KYAT3: variants seen among roughly 807,000 people sequenced by gnomAD.
KYAT3 encodes the protein kynurenine aminotransferase 3.
Under a neutral mutation model 59.0 loss-of-function variants are expected in KYAT3, and 50 were observed. The observed-to-expected ratio is 0.85, with a 90% CI of 0.68 to 1.07. The LOEUF (loss-of-function observed/expected upper bound fraction) is 1.07, where lower values mean the gene tolerates loss of function less well. Among genes scored for constraint, KYAT3 ranks in the 50% least tolerant of loss-of-function variants. The pLI, the probability that KYAT3 is intolerant of heterozygous loss-of-function variation, is 0.00. For missense variants in KYAT3, 497 were observed against 533.3 expected, an observed-to-expected ratio of 0.93 and a Z score of 0.67; for synonymous variants, 148 against 177.0, an observed-to-expected ratio of 0.84 and a Z score of 1.30.
intron 1 of KYAT3, 59 bp from the exon 2 acceptor site, chr1:88,988,410 CAG>C: frequency 1.1e-6 from 1 of 909,488 alleles, no homozygotes. Flanking sequence ...ACATCACTAT[CAG>C]ACACTTACAG....
chr1:88,953,091 G>A lies in KYAT3; in HGVS notation c.926C>T (p.Thr309Met), dbSNP rs577169250. The A allele has an allele frequency of 5.8e-5, 94 of 1,612,204 alleles. No homozygotes were observed. The highest frequency in any genetic ancestry group is 4.3e-4 in the African/African-American group (32 of 74,986). Residue 309 changes from threonine to methionine, a missense_variant, in exon 10 of 14, where the codon ACG becomes ATG. Around this residue, in one of 2 missense-constraint regions of KYAT3, gnomAD observed 469 missense variants for 479.1 expected, o/e 0.98. Transcript: ENST00000260508. The stretch of plus-strand genomic sequence containing the variant: ...TAAAGGAGTTGCACAAGTATAAATC[G>A]TGTTTTGTTGAACTGTCTGTAAATG... ...IKHLQTVQQN[T>M]IYTCATPLQE...
downstream of KYAT3, among the ~76,000 whole-genome samples, chr1:88,931,874 C>T (rs1674916028): frequency 1.8e-5 from 1 of 55,528 alleles, no homozygotes; most frequent in Non-Finnish European, 3.3e-5. Context: ...TTCACTCCTG[C>T]AACTGCAAAA....
At chr1:88,973,136 A>C (rs1323200960) in intron 2 of KYAT3, among the ~76,000 whole-genome samples, 10 of 152,216 alleles carry the variant, frequency 6.6e-5, no homozygotes, top group Non-Finnish European at 1.2e-4. Flanking sequence ...TGATGCTCCT[A>C]CCAGCCAAGG....
chr1:88,986,804 T>C (rs1459984030), intron 2 of KYAT3, among the ~76,000 whole-genome samples: 1 of 152,186 alleles, frequency 6.6e-6, no homozygotes, highest in Non-Finnish European at 1.5e-5. Context: ...CAAGTCTTTC[T>C]TGATTTAAAC....
intron 2 of KYAT3, 100 bp downstream of exon 2, chr1:88,988,151 AT>A: frequency 1.4e-6 from 1 of 731,712 alleles, no homozygotes; most frequent in Non-Finnish European, 2.3e-6. Context: ...AGAAATGTTC[AT>A]TTCAATAAAG....
In KYAT3 at chr1:88,962,144, A is replaced by G; in HGVS notation, c.455T>C (p.Val152Ala). The G allele has an allele frequency of 6.2e-7, 1 of 1,609,582 alleles. No homozygotes were observed. ...IQALIDEGDE[V>A]ILIVPFYDCY... ...GTCATAGAAAGGCACTATTAGTATG[A>G]CCTGCAATAAAAGCAAATAAGATCA... The change falls in exon 6 of 14, where the codon GTC becomes GCC. Residue 152 changes from valine to alanine, a missense_variant and splice_region_variant. Val to Ala is a moderately conservative substitution (Grantham distance 64, BLOSUM62 0). Around this residue, in one of 2 missense-constraint regions of KYAT3, gnomAD observed 469 missense variants for 479.1 expected, o/e 0.98. Transcript: ENST00000260508.
chr1:88,933,389 A>T (rs1430908439), downstream of KYAT3, among the ~76,000 whole-genome samples: 2 of 152,014 alleles, frequency 1.3e-5, no homozygotes, highest in Non-Finnish European at 2.9e-5. Flanking sequence ...AAGGGAAAAG[A>T]GAGGAGGGAG....
chr1:88,930,422 T>C, the KYAT3 span, among the ~76,000 whole-genome samples: 2 of 152,062 alleles, frequency 1.3e-5, no homozygotes, highest in African/African-American at 4.8e-5. Flanking sequence ...AGAACTTAAC[T>C]GTCAGCAAGT....
chr1:88,963,955 C>T (rs1463581188), intron 5 of KYAT3, among the ~76,000 whole-genome samples: 4 of 152,172 alleles, frequency 2.6e-5, no homozygotes, highest in Admixed American at 6.5e-5. Context: ...GTAATCCCAG[C>T]ACTTTGGGAG....
chr1:88,954,146 C>T (rs1211671029), intron 9 of KYAT3, among the ~76,000 whole-genome samples: 1 of 152,102 alleles, frequency 6.6e-6, no homozygotes, highest in African/African-American at 2.4e-5. Context: ...GATCTACCCG[C>T]CTCGGCCTCC....
intron 10 of KYAT3, among the ~76,000 whole-genome samples, chr1:88,952,554 T>C (rs1198315972): frequency 6.6e-6 from 1 of 152,194 alleles, no homozygotes; most frequent in Non-Finnish European, 1.5e-5. Context: ...CTGTGAGACA[T>C]GCCTACTCCC....
intron 2 of KYAT3, among the ~76,000 whole-genome samples, chr1:88,972,566 G>GATAAAT (rs1676594943): frequency 6.6e-6 from 1 of 152,100 alleles, no homozygotes; most frequent in African/African-American, 2.4e-5. Context: ...AAGTCTTGGT[G>GATAAAT]GCCTAAAATC....
At chr1:88,969,711 G>A (rs977830819) in intron 2 of KYAT3, among the ~76,000 whole-genome samples, 4 of 151,746 alleles carry the variant, frequency 2.6e-5, no homozygotes, top group East Asian at 1.9e-4. Flanking sequence ...GTGTGATCAT[G>A]GCTCACTGCA....
In KYAT3 at chr1:88,961,504, T is replaced by C. The variant is rs1676145777; in HGVS notation, c.543A>G (p.Lys181=). The change falls in exon 7 of 14, where the codon AAA becomes AAG. Residue 181 remains lysine (K), a splice_region_variant and synonymous_variant. Coordinates refer to ENST00000260508, the MANE Select transcript of KYAT3 (RefSeq NM_001008661.3). ...ATPVFIPLRS[K]PVYGKRWSSS... is the part of the protein sequence containing the mutation. ...TAGACCATCTTTTTCCATAAACAGG[T>C]TTCTAAGCATGAAGAATGAAGATAT... The C allele has an allele frequency of 6.2e-7, 1 of 1,608,828 alleles. No homozygotes were observed. The highest frequency in any genetic ancestry group is 8.5e-7 in the Non-Finnish European group (1 of 1,177,114).
intron 2 of KYAT3, among the ~76,000 whole-genome samples, chr1:88,976,960 A>T (rs1443036803): frequency 2.0e-5 from 3 of 152,212 alleles, no homozygotes; most frequent in African/African-American, 7.2e-5. Flanking sequence ...TTTATAAGGT[A>T]AAAAGTTACA....
At chr1:88,935,358 C>CAGAG (rs911334036), downstream of KYAT3, among the ~76,000 whole-genome samples, 354 of 143,054 alleles carry the variant, frequency 2.5e-3, no homozygotes, top group African/African-American at 9.1e-3. Flanking sequence ...GAGAGAGAGA[C>CAGAG]AGAGAGAGAG....
At chr1:88,942,282 T>C (rs546605339) in intron 13 of KYAT3, among the ~76,000 whole-genome samples, 128 of 152,260 alleles carry the variant, frequency 8.4e-4, no homozygotes, top group African/African-American at 2.9e-3. Flanking sequence ...TTTTAATAGT[T>C]TGAACCTCTC....
At chr1:88,924,071 G>A in the KYAT3 span, among the ~76,000 whole-genome samples, 1 of 152,180 alleles carries the variant, frequency 6.6e-6, no homozygotes. Flanking sequence ...GATCCCCTAG[G>A]GTCTCTTGCC....
At chr1:88,952,039 A>G (rs1675695689) in intron 10 of KYAT3, among the ~76,000 whole-genome samples, 1 of 152,186 alleles carries the variant, frequency 6.6e-6, no homozygotes, top group Admixed American at 6.5e-5. Flanking sequence ...TTCAGAAGGA[A>G]CACAGCAATG....
Sources: gnomAD v4.1 joint callset for allele counts (sites outside exome capture counted in the v4.1 genomes callset) on GRCh38, gnomAD v4.1.1 for gene constraint, gnomAD v4.1.1 regional missense constraint, MANE v1.5 for transcripts, NCBI Gene and HGNC (gene_info 2026-07-23, HGNC 2026-07-21) for gene names.